The following LPIN2 variants were observed in gnomAD, a reference collection of about 807,000 sequenced individuals.
LPIN2 encodes the protein lipin 2, also known as phosphatidate phosphatase LPIN2.
Under a neutral mutation model 111.4 loss-of-function variants are expected in LPIN2, and 55 were observed. That is an observed-to-expected ratio of 0.49 (90% CI 0.40 to 0.62). LPIN2 has a LOEUF of 0.62. Ranked by LOEUF, LPIN2 falls within the 20% of genes least tolerant of loss-of-function variation. LPIN2 has a pLI of 0.00. For missense variants in LPIN2, 992 were observed against 1,112.1 expected (o/e 0.89, Z 1.54); for synonymous variants, 425 against 414.0 (o/e 1.03, Z -0.32).
intron 3 of LPIN2, among the ~76,000 whole-genome samples, 157 bp from the exon 4 acceptor site, chr18:2,951,513 A>G (rs552025974): frequency 6.6e-6 from 1 of 152,234 alleles, no homozygotes; most frequent in African/African-American, 2.4e-5. Context: ...GGCACTGCCT[A>G]CTATACTCTG....
chr18:2,944,978 A>T (rs973329072), intron 4 of LPIN2, among the ~76,000 whole-genome samples: 1 of 152,190 alleles, frequency 6.6e-6, no homozygotes, highest in Non-Finnish European at 1.5e-5. Flanking sequence ...AACAAATCCT[A>T]ATTTGTTAAC....
At chr18:2,939,629 T>G (rs778271887) in intron 5 of LPIN2, 26 bp from the exon 6 acceptor site, 190 of 1,610,760 alleles carry the variant, frequency 1.2e-4, no homozygotes, top group Non-Finnish European at 1.6e-4. Flanking sequence ...AGACACACGA[T>G]GACTTGAAAG....
chr18:2,972,924 G>A (rs982883907), intron 1 of LPIN2, among the ~76,000 whole-genome samples: 2 of 152,142 alleles, frequency 1.3e-5, no homozygotes, highest in African/African-American at 4.8e-5. Flanking sequence ...CTGTACATGA[G>A]GTGACAGATG....
intron 10 of LPIN2, 50 bp downstream of exon 10, chr18:2,929,015 G>T (rs372702117): frequency 1.6e-6 from 2 of 1,218,408 alleles, no homozygotes; most frequent in Non-Finnish European, 2.4e-6. Flanking sequence ...AATGGCACTT[G>T]TAAAAAAACT....
rs1019315922 is a variant in LPIN2 at position 2,919,261 on chromosome 18, T to A, written c.*1032A>T. The A allele has an allele frequency of 2.6e-5, 4 of 152,368 alleles. No homozygotes were observed. The highest frequency in any genetic ancestry group is 1.3e-4 in the Admixed American group (2 of 15,298). The allele number at this position is 152,368 out of a possible 1,614,324, so 9.4% of individuals were successfully genotyped here. ...CTCCAAGACCCCTCTTTGACGCTGC[T>A]TCCACGGGCCCGATTACAGGGTGTG... On this transcript the variant is annotated 3_prime_UTR_variant, in exon 20 of 20. Transcript: ENST00000677752.
intron 4 of LPIN2, among the ~76,000 whole-genome samples, chr18:2,941,879 G>A (rs949210361): frequency 1.6e-4 from 25 of 152,124 alleles, no homozygotes; most frequent in African/African-American, 3.1e-4. Context: ...AGCGGAGATC[G>A]CACCACTGCA....
chr18:2,975,431 T>C (rs2077996069), intron 1 of LPIN2, among the ~76,000 whole-genome samples: 1 of 151,978 alleles, frequency 6.6e-6, no homozygotes, highest in African/African-American at 2.4e-5. Flanking sequence ...GCCTCCCGGG[T>C]TCAAGTGATT....
intron 4 of LPIN2, chr18:2,946,805 C>A (rs186202645): frequency 2.3e-6 from 1 of 441,904 alleles, no homozygotes; most frequent in Admixed American, 3.5e-5. Context: ...CTGTTAACAA[C>A]GTCTAGCAGC....
In LPIN2 at chr18:2,927,802, C is replaced by G; in HGVS notation, c.1630G>C (p.Glu544Gln). ...GGCATCTTGTCTTTCACCCAGGACT[C>G]AACTGTGGCCTGAAAACAACCAACC... ...FQKSLPKATV[E>Q]SWVKDKMPKK... Residue 544 changes from glutamate (E) to glutamine (Q), a missense_variant, in exon 12 of 20, where the codon GAG becomes CAG. This residue lies in a region of LPIN2 where 709 missense variants were observed against 753.2 expected (regional missense o/e 0.94). Transcript: ENST00000677752. The G allele has an allele frequency of 6.2e-7, 1 of 1,614,198 alleles. No individual in the cohort carries two copies. Among genetic ancestry groups the G allele is most frequent in the Non-Finnish European group, 8.5e-7 (1 of 1,180,034 alleles).
chr18:2,926,629 C>T (rs1173544378), intron 13 of LPIN2, 94 bp downstream of exon 13: 3 of 1,071,784 alleles, frequency 2.8e-6, no homozygotes, highest in African/African-American at 3.1e-5. Flanking sequence ...AAGATACTCC[C>T]AAGAACTAAA....
At chr18:2,990,732 T>C (rs566553005) in intron 1 of LPIN2, 21 of 329,346 alleles carry the variant, frequency 6.4e-5, no homozygotes, top group Admixed American at 4.9e-4. Context: ...AGAGACAGAA[T>C]GTCAAAGATT....
chr18:2,921,248 G>C, intron 18 of LPIN2: 3 of 563,982 alleles, frequency 5.3e-6, no homozygotes, highest in Non-Finnish European at 9.5e-6. Flanking sequence ...ACGCAGCTCA[G>C]AACTGCTTAG....
At chr18:2,952,369 A>T (rs539285532) in intron 3 of LPIN2, among the ~76,000 whole-genome samples, 39 of 152,318 alleles carry the variant, frequency 2.6e-4, no homozygotes, top group African/African-American at 7.7e-4. Context: ...GGTTGTAGTG[A>T]GCCGAGATCA....
chr18:3,008,378 G>A (rs747564426), intron 1 of LPIN2, among the ~76,000 whole-genome samples: 7 of 152,202 alleles, frequency 4.6e-5, no homozygotes, highest in Non-Finnish European at 8.8e-5. Context: ...AGAAGCGGAG[G>A]CTGCAGTGAG....
intron 1 of LPIN2, among the ~76,000 whole-genome samples, chr18:2,972,907 T>G (rs1253794253): frequency 6.6e-6 from 1 of 152,236 alleles, no homozygotes; most frequent in Non-Finnish European, 1.5e-5. Context: ...ATGCCCAGTT[T>G]TGACCTCTGT....
At chr18:2,922,721 C>T (rs1268852900) in intron 16 of LPIN2, among the ~76,000 whole-genome samples, 3 of 152,148 alleles carry the variant, frequency 2.0e-5, no homozygotes, top group Non-Finnish European at 4.4e-5. Context: ...GTACAGGCAA[C>T]TAAGGATTAT....
chr18:2,935,597 G>C, intron 7 of LPIN2, among the ~76,000 whole-genome samples: 1 of 152,114 alleles, frequency 6.6e-6, no homozygotes, highest in South Asian at 2.1e-4. Context: ...TTGGGAAACA[G>C]GCCAGCTAAA....
chr18:2,968,664 T>C (rs764907637), intron 1 of LPIN2, among the ~76,000 whole-genome samples: 6 of 152,044 alleles, frequency 3.9e-5, no homozygotes, highest in Non-Finnish European at 7.4e-5. Context: ...GCTGAACAGA[T>C]TAAGGAAGGA....
At position 2,925,392 on chromosome 18, in the gene LPIN2, G is replaced by A. The variant is rs773883151; in HGVS notation, c.1794-24C>T. ...GCCTGTTCAACATTAGCCCAGTTAC[G>A]GAAGAGGCAGCAGGGCATTTTATTG... On this transcript the variant is annotated intron_variant, in intron 13 of 19. Transcript: ENST00000677752. This position sits in a 1 kb window ranked among gnomAD's most constrained non-coding sequence, Gnocchi z 4.1. 2.9e-5 allele frequency: 47 copies of A among 1,613,862 alleles called. No individual in the cohort carries two copies. Among genetic ancestry groups the A allele is most frequent in the Non-Finnish European group, 4.0e-5 (47 of 1,179,908 alleles).
Sources: gnomAD v4.1 joint callset for allele counts (sites outside exome capture counted in the v4.1 genomes callset) on GRCh38, gnomAD v4.1.1 for gene constraint, gnomAD v4.1.1 regional missense constraint, Gnocchi (gnomAD v3.1) non-coding constraint, MANE v1.5 for transcripts, NCBI Gene and HGNC (gene_info 2026-07-23, HGNC 2026-07-21) for gene names.